Variants in LGSN observed in about 807,000 individuals in gnomAD.
LGSN encodes the protein lengsin, lens protein with glutamine synthetase domain.
In LGSN, 21 loss-of-function variants were observed where a neutral mutation model predicts 19.5. The observed-to-expected ratio is 1.07, with a 90% CI of 0.76 to 1.55. The LOEUF (loss-of-function observed/expected upper bound fraction) is 1.55. LGSN is among the 40% of genes most tolerant of loss of function. The pLI is 0.00. For synonymous variants in LGSN, 257 were observed against 215.6 expected (o/e 1.19, Z -1.68); for missense variants, 673 against 608.5 (o/e 1.11, Z -1.12).
At chr6:63,438,962 C>A in the LGSN span, among the ~76,000 whole-genome samples, 7 of 152,118 alleles carry the variant, frequency 4.6e-5, no homozygotes, top group African/African-American at 1.4e-4. Flanking sequence ...CACAAATGTC[C>A]AACAATGATA....
At chr6:63,461,531 T>C in the LGSN span, among the ~76,000 whole-genome samples, 1 of 152,242 alleles carries the variant, frequency 6.6e-6, no homozygotes, top group Admixed American at 6.5e-5. Context: ...ACATGACAAG[T>C]TATTTCCTGT....
At chr6:63,486,561 G>C in the LGSN span, among the ~76,000 whole-genome samples, 1 of 152,168 alleles carries the variant, frequency 6.6e-6, no homozygotes. Flanking sequence ...TGCAGAGGTA[G>C]GCCCAGGCAG....
At chr6:63,281,304 A>ATATATATATAT (rs1767304465) in intron 3 of LGSN, 84 bp from the exon 4 acceptor site, 4 of 135,444 alleles carry the variant, frequency 3.0e-5, no homozygotes, top group South Asian at 1.6e-4. Context: ...TGCTAATGAA[A>ATATATATATAT]ATATATATAT....
chr6:63,439,548 C>T, the LGSN span, among the ~76,000 whole-genome samples: 1 of 151,916 alleles, frequency 6.6e-6, no homozygotes. Flanking sequence ...AAATTTCATG[C>T]CTGTAAAATA....
At chr6:63,493,580 A>G in the LGSN span, among the ~76,000 whole-genome samples, 5 of 152,250 alleles carry the variant, frequency 3.3e-5, no homozygotes, top group Non-Finnish European at 7.3e-5. Context: ...TGTGTCCATC[A>G]GATCTTGGGT....
chr6:63,365,491 C>T, the LGSN span, among the ~76,000 whole-genome samples: 27 of 152,220 alleles, frequency 1.8e-4, no homozygotes, highest in African/African-American at 6.3e-4. Context: ...GATTCACAGA[C>T]GAATTCTACC....
chr6:63,286,758 C>G (rs1218826216), intron 2 of LGSN, among the ~76,000 whole-genome samples: 1 of 152,194 alleles, frequency 6.6e-6, no homozygotes, highest in African/African-American at 2.4e-5. Flanking sequence ...ACACTGAAGT[C>G]CATCTACCTC....
the LGSN span, among the ~76,000 whole-genome samples, chr6:63,326,903 A>G: frequency 6.6e-6 from 1 of 152,154 alleles, no homozygotes; most frequent in Non-Finnish European, 1.5e-5. Flanking sequence ...GGGCTCCCAT[A>G]GTGCAGCGGT....
the LGSN span, among the ~76,000 whole-genome samples, chr6:63,355,701 G>C: frequency 6.6e-6 from 1 of 151,908 alleles, no homozygotes; most frequent in African/African-American, 2.4e-5. Flanking sequence ...GTTTTGAGAC[G>C]GAGTTTCACT....
At chr6:63,557,713 G>T in the LGSN span, among the ~76,000 whole-genome samples, 2 of 152,266 alleles carry the variant, frequency 1.3e-5, no homozygotes, top group Non-Finnish European at 2.9e-5. Context: ...CAAACATCTA[G>T]AAAGCATAAT....
intron 1 of LGSN, among the ~76,000 whole-genome samples, chr6:63,298,277 G>A (rs1250140098): frequency 6.6e-6 from 1 of 152,130 alleles, no homozygotes; most frequent in East Asian, 1.9e-4. Flanking sequence ...AGATCCCCAT[G>A]CGTTTGTGTT....
At chr6:63,379,982 C>T in the LGSN span, among the ~76,000 whole-genome samples, 3 of 152,076 alleles carry the variant, frequency 2.0e-5, no homozygotes, top group South Asian at 4.2e-4. Flanking sequence ...GGATTACAGG[C>T]GCCTGCCACT....
chr6:63,291,083 C>T (rs546053212), intron 2 of LGSN, among the ~76,000 whole-genome samples: 3 of 152,242 alleles, frequency 2.0e-5, no homozygotes, highest in Admixed American at 6.5e-5. Context: ...GACCTCCTCG[C>T]GGAGCATGCA....
At chr6:63,383,066 G>T in the LGSN span, among the ~76,000 whole-genome samples, 1 of 152,074 alleles carries the variant, frequency 6.6e-6, no homozygotes, top group South Asian at 2.1e-4. Context: ...TCCTGCTTTT[G>T]TTCATGTTAA....
At chr6:63,407,585 C>T in the LGSN span, among the ~76,000 whole-genome samples, 34 of 152,258 alleles carry the variant, frequency 2.2e-4, no homozygotes, top group Middle Eastern at 3.4e-3. Flanking sequence ...ACTGAATGGG[C>T]AAAAACTGGA....
At chr6:63,412,772 G>GAAAGAAAGAAAGAAAGAGAAAGAAAGA in the LGSN span, among the ~76,000 whole-genome samples, 4 of 41,192 alleles carry the variant, frequency 9.7e-5, no homozygotes, top group African/African-American at 3.1e-4. Flanking sequence ...AGAAAGAAAG[G>GAAAGAAAGAAAGAAAGAGAAAGAAAGA]AAGGAAGGGA....
At chr6:63,450,722 G>T in the LGSN span, among the ~76,000 whole-genome samples, 1 of 151,650 alleles carries the variant, frequency 6.6e-6, no homozygotes, top group South Asian at 2.1e-4. Flanking sequence ...GCCCAGACTG[G>T]AGTGTAGCAG....
chr6:63,468,824 C>G, the LGSN span, among the ~76,000 whole-genome samples: 4 of 151,942 alleles, frequency 2.6e-5, no homozygotes, highest in African/African-American at 9.7e-5. Context: ...TCTCGGCTCA[C>G]AGCAACCTCT....
the LGSN span, among the ~76,000 whole-genome samples, chr6:63,496,977 A>G: frequency 1.3e-5 from 2 of 152,082 alleles, no homozygotes; most frequent in Non-Finnish European, 2.9e-5. Context: ...GGTTACAACA[A>G]AAATCCTTGA....
Sources: gnomAD v4.1 joint callset for allele counts (sites outside exome capture counted in the v4.1 genomes callset) on GRCh38, gnomAD v4.1.1 for gene constraint, MANE v1.5 for transcripts, NCBI Gene and HGNC (gene_info 2026-07-23, HGNC 2026-07-21) for gene names.